The following NCLN variants were observed in gnomAD, a reference collection of about 807,000 sequenced individuals.
The protein encoded by NCLN is BOS complex subunit NCLN.
NCLN carries 34 observed loss-of-function variants against 69.5 expected under a neutral mutation model. The ratio of observed to expected loss-of-function variants is 0.49; its 90% confidence interval spans 0.37 to 0.65. The LOEUF (loss-of-function observed/expected upper bound fraction) is 0.65, where lower values mean the gene tolerates loss of function less well. NCLN is among the 30% of genes least tolerant of loss of function. The probability of loss-of-function intolerance (pLI) is 0.00; values close to 1 mark genes in which losing one functional copy is unlikely to be tolerated. For missense variants in NCLN, 710 were observed against 804.8 expected (o/e 0.88, Z 1.42); for synonymous variants, 393 against 358.3 (o/e 1.10, Z -1.09).
At position 3,205,764 on chromosome 19, in the gene NCLN, C is replaced by T. The variant is rs1457211524; in HGVS notation, c.1209-175C>T. On this transcript the variant is annotated intron_variant, in intron 9 of 14. Coordinates refer to ENST00000246117, the MANE Select transcript of NCLN (RefSeq NM_020170.4). The surrounding 1 kb of genome is among the most constrained non-coding windows in gnomAD (Gnocchi z 4.6). ...AAGGGGCCTGGAGGTGTGGGGCCCC[C>T]AGTGAATCTGCATCTACATGTTAGC... is the stretch of plus-strand genomic sequence containing the variant. The T allele has an allele frequency of 1.6e-6, 1 of 642,330 alleles. No individual in the cohort carries two copies. The highest frequency in any genetic ancestry group is 2.7e-6 in the Non-Finnish European group (1 of 374,028). 39.8% of individuals were successfully genotyped at this position (642,330 alleles called of 1,614,324 possible).
intron 1 of NCLN, 47 bp from the exon 2 acceptor site, chr19:3,192,422 CG>C (rs1568310355): frequency 6.7e-7 from 1 of 1,484,230 alleles, no homozygotes; most frequent in Non-Finnish European, 9.0e-7. Context: ...CCCCTCCCGT[CG>C]GCCTGGCCAC....
In NCLN at chr19:3,198,235, G is replaced by A. The variant is rs562591117; in HGVS notation, c.616-582G>A. 2.0e-5 allele frequency among the ~76,000 whole-genome samples: 3 copies of A among 152,168 alleles called. No homozygotes were observed. In the East Asian group the frequency reaches 5.8e-4, roughly 30 times the overall value. On this transcript the variant is annotated intron_variant, in intron 4 of 14. Coordinates refer to ENST00000246117, the MANE Select transcript of NCLN (RefSeq NM_020170.4). ...AAAACTTAACCTCCTGGCCGGGCGC[G>A]GTGGCTCACACCTGTAATCCCAGCA... is the stretch of plus-strand genomic sequence containing the variant.
At chr19:3,197,618 A>G (rs1262174652) in intron 4 of NCLN, among the ~76,000 whole-genome samples, 5 of 118,252 alleles carry the variant, frequency 4.2e-5, no homozygotes, top group Non-Finnish European at 6.9e-5. Context: ...ATCTTTTGTA[A>G]TTCTTTTTTT....
chr19:3,204,687 G>A lies in NCLN; in HGVS notation c.1144G>A (p.Ala382Thr), dbSNP rs1048673861. ...HERFAIRRLP[A>T]FTLSHLESHR... Reference sequence around the variant, plus strand: ...GCGCTTCGCCATCCGCCGACTGCCCGCCTTCACGCTGTCCCACCTGGAGAG... The same window carrying A: ...GCGCTTCGCCATCCGCCGACTGCCCACCTTCACGCTGTCCCACCTGGAGAG... The change falls in exon 9 of 15, where the codon GCC (alanine) becomes ACC (threonine). Residue 382 changes from alanine to threonine, a missense_variant. Transcript: ENST00000246117. The A allele has an allele frequency of 8.7e-6, 14 of 1,606,684 alleles. No homozygotes were observed. Among genetic ancestry groups the A allele is most frequent in the Admixed American group, 6.8e-5 (4 of 59,154 alleles).
At chr19:3,193,572 C>T (rs1295233158) in intron 3 of NCLN, 144 bp downstream of exon 3, 3 of 1,031,782 alleles carry the variant, frequency 2.9e-6, no homozygotes, top group Non-Finnish European at 4.1e-6. Flanking sequence ...GGTTCCTGGG[C>T]CCCGTGTGGA....
chr19:3,206,434 G>A lies in NCLN; in HGVS notation c.1499+9G>A. 6.5e-7 allele frequency: 1 copy of A among 1,543,566 alleles called. No individual in the cohort carries two copies. Among genetic ancestry groups the A allele is most frequent in the Non-Finnish European group, 8.7e-7 (1 of 1,144,968 alleles). ...GTCAAGGCTGACAAGCGGTGAGGCT[G>A]GGGCTCCGCGCTGGCCCCGTTCAGC... On this transcript the variant is annotated intron_variant, in intron 12 of 14. Transcript: ENST00000246117.
chr19:3,190,737 CG>C (rs1317080176), intron 1 of NCLN, among the ~76,000 whole-genome samples: 11 of 148,706 alleles, frequency 7.4e-5, no homozygotes, highest in East Asian at 5.8e-4. Context: ...GGCCCGCCCC[CG>C]GCCCCCCTGC....
chr19:3,201,122 A>G (rs865855622), intron 5 of NCLN, among the ~76,000 whole-genome samples: 17 of 152,352 alleles, frequency 1.1e-4, no homozygotes, highest in Admixed American at 2.0e-4. Context: ...GGTGGGTCCC[A>G]CAGAGGGGAC....
chr19:3,199,307 C>T lies in NCLN; in HGVS notation c.696+410C>T, dbSNP rs142843745. ...GGTGAGTTGGGGAGGCCAGTCCTGG[C>T]TTCCAGGCCCTCTCCCTGTGTGTCA... On this transcript the variant is annotated intron_variant, in intron 5 of 14. Transcript: ENST00000246117. 5.6e-3 allele frequency among the ~76,000 whole-genome samples: 853 copies of T among 152,372 alleles called. 4 individuals carry two copies. Among genetic ancestry groups the T allele is most frequent in the Middle Eastern group, 0.027 (8 of 294 alleles).
intron 5 of NCLN, among the ~76,000 whole-genome samples, chr19:3,201,069 G>T (rs1324547143): frequency 6.6e-6 from 1 of 152,178 alleles, no homozygotes; most frequent in African/African-American, 2.4e-5. Context: ...GCATGTGGTC[G>T]GGCTGTGCAG....
chr19:3,200,113 A>G (rs1916086932), intron 5 of NCLN, among the ~76,000 whole-genome samples: 1 of 151,876 alleles, frequency 6.6e-6, no homozygotes. Flanking sequence ...CAGCCTTGAG[A>G]ATGCCTGGTC....
intron 5 of NCLN, among the ~76,000 whole-genome samples, chr19:3,199,904 G>A (rs932093298): frequency 1.3e-5 from 2 of 151,780 alleles, no homozygotes; most frequent in Non-Finnish European, 2.9e-5. Context: ...GTTTCACCAC[G>A]TTAGCCAGGA....
At position 3,206,232 on chromosome 19, in the gene NCLN, A is replaced by C. The variant is rs1477375019; in HGVS notation, c.1336-30A>C. The C allele has an allele frequency of 9.8e-6, 15 of 1,526,612 alleles. No individual in the cohort carries two copies. The Admixed American group carries it at 3.0e-4, about 31-fold the overall frequency. 94.6% of individuals were successfully genotyped at this position (1,526,612 alleles called of 1,614,324 possible). A position where few individuals can be genotyped will look rare whatever the true frequency, so the allele number is the denominator to read the frequency against. On this transcript the variant is annotated intron_variant, in intron 11 of 14. Coordinates refer to ENST00000246117, the MANE Select transcript of NCLN (RefSeq NM_020170.4). ...AGTGGGTGGGTGGGTGGGCGGGGCC[A>C]GGCCATGACTACCACCACCGTCCCT... is the stretch of plus-strand genomic sequence containing the variant.
In NCLN at chr19:3,196,401, C is replaced by A. The variant is rs1568311908; in HGVS notation, c.615+124C>A. ...GGGAAACTGGAGTCGGATCGCCCCCCTGCCTGGCTGAAAACCTCCTGTGGC... is the reference window on the plus strand; with the variant it reads ...GGGAAACTGGAGTCGGATCGCCCCCATGCCTGGCTGAAAACCTCCTGTGGC... On this transcript the variant is annotated intron_variant, in intron 4 of 14. Transcript: ENST00000246117. 5.1e-5 allele frequency: 35 copies of A among 688,340 alleles called. No individual in the cohort carries two copies. The South Asian group carries it at 6.2e-4, about 12-fold the overall frequency. 42.6% of individuals were successfully genotyped at this position (688,340 alleles called of 1,614,324 possible).
intron 8 of NCLN, 120 bp downstream of exon 8, chr19:3,204,264 C>T: frequency 1.6e-6 from 2 of 1,251,926 alleles, no homozygotes; most frequent in Non-Finnish European, 1.1e-6. Context: ...GAGGGCCACA[C>T]TGTGTCGGGG....
At position 3,207,810 on chromosome 19, in the gene NCLN, CG is replaced by C; in HGVS notation, c.*124del. The C allele has an allele frequency of 1.3e-6, 1 of 773,978 alleles. No individual in the cohort carries two copies. Among genetic ancestry groups the C allele is most frequent in the Non-Finnish European group, 2.2e-6 (1 of 453,246 alleles). The allele number at this position is 773,978 out of a possible 1,614,324, so 47.9% of individuals were successfully genotyped here. A position where few individuals can be genotyped will look rare whatever the true frequency, so the allele number is the denominator to read the frequency against. On this transcript the variant is annotated 3_prime_UTR_variant, in exon 15 of 15. Transcript: ENST00000246117. Reference sequence around the variant, plus strand: ...GGACAGGGGCCCTCTCCCTCCCCGGCGGTGGTTGGAACACTGAATTACAGAG... The same window carrying C: ...GGACAGGGGCCCTCTCCCTCCCCGGCGTGGTTGGAACACTGAATTACAGAG...
At position 3,192,521 on chromosome 19, in the gene NCLN, T is replaced by C. The variant is rs749528903; in HGVS notation, c.236T>C (p.Val79Ala). ...NTEARTMAAE[V>A]LSRRCVLMRL... ...GAGGCGCGCACGATGGCGGCGGAGG[T>C]GCTGAGCCGCCGCTGCGTGCTCATG... The change falls in exon 2 of 15, where the codon GTG becomes GCG. Residue 79 changes from valine (V) to alanine (A), a missense_variant. By Grantham distance (64) the Val-to-Ala change is moderately conservative (BLOSUM62 0). Coordinates refer to ENST00000246117, the MANE Select transcript of NCLN (RefSeq NM_020170.4). 9 of 1,607,578 alleles carry C rather than the reference T, an allele frequency of 5.6e-6. No individual in the cohort carries two copies. The highest frequency in any genetic ancestry group is 7.6e-6 in the Non-Finnish European group (9 of 1,178,074).
At chr19:3,189,708 T>C (rs1312540190) in intron 1 of NCLN, among the ~76,000 whole-genome samples, 1 of 152,218 alleles carries the variant, frequency 6.6e-6, no homozygotes, top group Admixed American at 6.5e-5. Flanking sequence ...GTGTCCACAC[T>C]AGCTTGTGGC....
At chr19:3,200,014 C>T (rs1434999177) in intron 5 of NCLN, among the ~76,000 whole-genome samples, 1 of 151,944 alleles carries the variant, frequency 6.6e-6, no homozygotes, top group Admixed American at 6.6e-5. Flanking sequence ...CTCCTTTGAA[C>T]ACAAATCAGC....
Sources: gnomAD v4.1 joint callset for allele counts (sites outside exome capture counted in the v4.1 genomes callset) on GRCh38, gnomAD v4.1.1 for gene constraint, Gnocchi (gnomAD v3.1) non-coding constraint, MANE v1.5 for transcripts, NCBI Gene and HGNC (gene_info 2026-07-23, HGNC 2026-07-21) for gene names.